Variants in ST18 observed in about 807,000 individuals in gnomAD.
The protein encoded by ST18 is suppression of tumorigenicity 18 protein.
Under a neutral mutation model 110.0 loss-of-function variants are expected in ST18, and 50 were observed. That is an observed-to-expected ratio of 0.45 (90% CI 0.36 to 0.58). The LOEUF is 0.58. Ranked by LOEUF, ST18 falls within the 20% of genes least tolerant of loss-of-function variation. ST18 has a pLI of 0.00. For synonymous variants in ST18, 461 were observed against 452.4 expected (o/e 1.02, Z -0.24); for missense variants, 1,306 against 1,280.1 (o/e 1.02, Z -0.31).
chr8:52,370,097 C>CTACA (rs981727864), intron 2 of ST18, among the ~76,000 whole-genome samples: 4 of 152,170 alleles, frequency 2.6e-5, no homozygotes, highest in African/African-American at 9.7e-5. Flanking sequence ...TCCATAGGAA[C>CTACA]TACATTGTAA....
intron 2 of ST18, among the ~76,000 whole-genome samples, chr8:52,324,630 A>G (rs1040250533): frequency 1.3e-5 from 2 of 152,230 alleles, no homozygotes; most frequent in Admixed American, 1.3e-4. Flanking sequence ...GCCGGGTAGC[A>G]TACTATGTGC....
At position 52,172,388 on chromosome 8, in the gene ST18, T is replaced by G. The variant is rs2065276224; in HGVS notation, c.473A>C (p.Lys158Thr). 1 of 1,613,966 alleles carries G rather than the reference T, an allele frequency of 6.2e-7. No homozygotes were observed. The highest frequency in any genetic ancestry group is 8.5e-7 in the Non-Finnish European group (1 of 1,180,038). ...CTCGTCTGCTTCATCGCTCTCTGCTTTTAAAGACTGGATGCCACTGTCATT... is the reference window on the plus strand; with the variant it reads ...CTCGTCTGCTTCATCGCTCTCTGCTGTTAAAGACTGGATGCCACTGTCATT... ...NLNDSGIQSL[K>T]AESDEADECF... is the part of the protein sequence containing the mutation. Residue 158 changes from lysine (K) to threonine (T), a missense_variant, in exon 10 of 26, where the codon AAA becomes ACA. By Grantham distance (78) the Lys-to-Thr change is moderately conservative. Coordinates refer to ENST00000689386, the MANE Select transcript of ST18 (RefSeq NM_001352837.2).
chr8:52,273,376 A>G (rs2095138637), intron 2 of ST18, among the ~76,000 whole-genome samples: 1 of 152,232 alleles, frequency 6.6e-6, no homozygotes, highest in Non-Finnish European at 1.5e-5. Context: ...AAAATTCACA[A>G]AAGTTGTAAT....
intron 2 of ST18, among the ~76,000 whole-genome samples, chr8:52,233,307 T>C (rs1209552539): frequency 6.6e-6 from 1 of 152,110 alleles, no homozygotes; most frequent in Non-Finnish European, 1.5e-5. Flanking sequence ...TTCTGTTGCA[T>C]AAATCAAAGA....
In ST18 at chr8:52,158,912, T is replaced by C; in HGVS notation, c.1792A>G (p.Ser598Gly). The change falls in exon 15 of 26, where the codon AGT (serine) becomes GGT (glycine). Residue 598 changes from serine (S) to glycine (G), a missense_variant. Ser to Gly is a moderately conservative substitution (Grantham distance 56, BLOSUM62 0). Transcript: ENST00000689386. ...ATDILSNKPQ[S>G]LHAKGAEIEV... ...GACTGGCCTACCTTGGCATGCAGAC[T>C]CTGTGGCTTGTTGGAGAGGATGTCT... is the stretch of plus-strand genomic sequence containing the variant. 6.2e-7 allele frequency: 1 copy of C among 1,613,980 alleles called. No individual in the cohort carries two copies.
At chr8:52,369,833 T>C (rs542395553) in intron 2 of ST18, among the ~76,000 whole-genome samples, 1 of 152,184 alleles carries the variant, frequency 6.6e-6, no homozygotes, top group African/African-American at 2.4e-5. Flanking sequence ...ATAATTGCCA[T>C]CCCTGCTTAA....
At chr8:52,207,708 C>T (rs532299217) in intron 8 of ST18, among the ~76,000 whole-genome samples, 3 of 152,076 alleles carry the variant, frequency 2.0e-5, no homozygotes, top group African/African-American at 4.8e-5. Context: ...AGACTATGAA[C>T]GGACAGAGAG....
chr8:52,204,687 A>G (rs2079294307), intron 8 of ST18, among the ~76,000 whole-genome samples: 2 of 152,250 alleles, frequency 1.3e-5, no homozygotes, highest in Admixed American at 1.3e-4. Context: ...GCGTGTAAAA[A>G]TATTTATATT....
chr8:52,352,086 C>T (rs1820624589), intron 2 of ST18, among the ~76,000 whole-genome samples: 1 of 152,158 alleles, frequency 6.6e-6, no homozygotes, highest in African/African-American at 2.4e-5. Context: ...ATGAAAGAGC[C>T]AGAAATGCAA....
chr8:52,236,916 G>C (rs1027053933), intron 2 of ST18, among the ~76,000 whole-genome samples: 1 of 152,146 alleles, frequency 6.6e-6, no homozygotes, highest in African/African-American at 2.4e-5. Context: ...TGGAGACTGT[G>C]AGCACTGTCT....
chr8:52,187,366 G>A (rs111801831), intron 8 of ST18, among the ~76,000 whole-genome samples: 43 of 152,318 alleles, frequency 2.8e-4, no homozygotes, highest in African/African-American at 8.4e-4. Context: ...TAATGAAAGA[G>A]TCCAGATTTG....
chr8:52,180,937 T>G (rs552680923), intron 8 of ST18, among the ~76,000 whole-genome samples: 1 of 152,286 alleles, frequency 6.6e-6, no homozygotes, highest in Admixed American at 6.5e-5. Context: ...ACAGAACAAA[T>G]AAAAGGAGGA....
chr8:52,378,175 T>C (rs1392229423), intron 2 of ST18, among the ~76,000 whole-genome samples: 2 of 152,142 alleles, frequency 1.3e-5, no homozygotes, highest in African/African-American at 4.8e-5. Context: ...TAAGACCTAG[T>C]ATTTAGTAGC....
intron 2 of ST18, among the ~76,000 whole-genome samples, chr8:52,378,906 A>C (rs1833427913): frequency 6.6e-6 from 1 of 152,130 alleles, no homozygotes; most frequent in African/African-American, 2.4e-5. Flanking sequence ...GACCTATGTG[A>C]TACGAGTAAG....
rs1233019544 is a variant in ST18 at position 52,365,365 on chromosome 8, C to G, written c.-465+43963G>C. 2.6e-5 allele frequency among the ~76,000 whole-genome samples: 4 copies of G among 152,130 alleles called. No individual in the cohort carries two copies. The East Asian group carries it at 7.7e-4, about 29-fold the overall frequency. On this transcript the variant is annotated intron_variant, in intron 2 of 25. Coordinates refer to ENST00000689386, the MANE Select transcript of ST18 (RefSeq NM_001352837.2). ...TTCTATGGCTAAATCGTCTCACACTCAGTCACTGCAGACCACCCTGAAAAC... is the reference window on the plus strand; with the variant it reads ...TTCTATGGCTAAATCGTCTCACACTGAGTCACTGCAGACCACCCTGAAAAC...
intron 23 of ST18, 145 bp from the exon 24 acceptor site, chr8:52,118,586 A>G: frequency 1.9e-6 from 1 of 513,478 alleles, no homozygotes. Context: ...ATTCTGAAAA[A>G]GTGGATAAGA....
rs754626413 is a variant in ST18, at chr8:52,171,845, C to T, written c.1016G>A (p.Arg339Lys). ...RFLLEHLAGERRQTKVIDMGG... is the reference protein window; with the variant it reads ...RFLLEHLAGEKRQTKVIDMGG... ...CATGTCGATAACTTTGGTTTGCCTC[C>T]TTTCCCCTGCTAGGTGCTCCAGCAG... The change falls in exon 10 of 26, where the codon AGG becomes AAG. Residue 339 changes from arginine to lysine, a missense_variant. By Grantham distance (26) the Arg-to-Lys change is conservative. Transcript: ENST00000689386. The T allele has an allele frequency of 6.8e-6, 11 of 1,613,994 alleles. No homozygotes were observed. The African/African-American group carries it at 8.0e-5, about 12-fold the overall frequency.
chr8:52,113,409 A>T (rs910008411), intron 25 of ST18, 71 bp from the exon 26 acceptor site: 1 of 1,570,956 alleles, frequency 6.4e-7, no homozygotes, highest in Non-Finnish European at 8.7e-7. Context: ...ACCCAGTGAC[A>T]TCGAAGATCA....
intron 2 of ST18, among the ~76,000 whole-genome samples, chr8:52,367,019 G>C (rs79516134): frequency 2.6e-5 from 4 of 152,280 alleles, no homozygotes; most frequent in African/African-American, 9.6e-5. Context: ...GATCACTTGA[G>C]GCCAGGAGTT....
Sources: gnomAD v4.1 joint callset for allele counts (sites outside exome capture counted in the v4.1 genomes callset) on GRCh38, gnomAD v4.1.1 for gene constraint, MANE v1.5 for transcripts, NCBI Gene and HGNC (gene_info 2026-07-23, HGNC 2026-07-21) for gene names.